Variants in ERP44 observed in about 807,000 individuals in gnomAD.
ERP44 encodes endoplasmic reticulum resident protein 44.
In ERP44, 25 loss-of-function variants were observed where a neutral mutation model predicts 53.4. The ratio of observed to expected loss-of-function variants is 0.47; its 90% CI spans 0.34 to 0.65. ERP44 has a LOEUF of 0.65. Among genes scored for constraint, ERP44 ranks in the 30% least tolerant of loss-of-function variants. The pLI is 0.01. For synonymous variants in ERP44, 145 were observed against 161.2 expected (o/e 0.90, Z 0.76); for missense variants, 338 against 493.2 (o/e 0.69, Z 2.98).
At chr9:100,074,949 G>C (rs1826340219) in intron 1 of ERP44, among the ~76,000 whole-genome samples, 1 of 152,200 alleles carries the variant, frequency 6.6e-6, no homozygotes, top group African/African-American at 2.4e-5. Flanking sequence ...TTAGCAGCTG[G>C]CAGAACCCCC....
Position 100,020,635 on chromosome 9 carries a change from C to T in ERP44, c.568G>A (p.Ala190Thr), listed in dbSNP as rs905359579. The T allele has an allele frequency of 6.2e-6, 10 of 1,600,030 alleles. No individual in the cohort carries two copies. In the East Asian group the frequency reaches 2.2e-4, roughly 36 times the overall value. The change falls in exon 6 of 12, where the codon GCC becomes ACC. Residue 190 changes from alanine to threonine, a missense_variant. By Grantham distance (58) the Ala-to-Thr change is moderately conservative. Coordinates refer to ENST00000262455, the MANE Select transcript of ERP44 (RefSeq NM_015051.3). ...ACTTACCCAAATGCAGAAAGAAAGGCACAGTCATCATGCAAAATATTCGCT... is the reference window on the plus strand; with the variant it reads ...ACTTACCCAAATGCAGAAAGAAAGGTACAGTCATCATGCAAAATATTCGCT... ...RVANILHDDC[A>T]FLSAFGDVSK...
intron 1 of ERP44, among the ~76,000 whole-genome samples, chr9:100,096,471 A>C (rs1564108739): frequency 6.6e-6 from 1 of 152,058 alleles, no homozygotes; most frequent in African/African-American, 2.4e-5. Context: ...TTTTGTGTTT[A>C]GTTACCCATC....
At position 100,033,736 on chromosome 9, in the gene ERP44, A is replaced by C. The variant is rs540680611; in HGVS notation, c.287-11510T>G. Among the ~76,000 whole-genome samples, 8 of 152,252 alleles carry C rather than the reference A, an allele frequency of 5.3e-5. No homozygotes were observed. In the South Asian group the frequency reaches 1.7e-3, roughly 32 times the overall value. On this transcript the variant is annotated intron_variant, in intron 4 of 11. Transcript: ENST00000262455. Reference sequence around the variant, plus strand: ...AGACTGACTCTGCTTATTCCTGTGAATCAACCAGTCATCTCTGGCTGGTAC... The same window carrying C: ...AGACTGACTCTGCTTATTCCTGTGACTCAACCAGTCATCTCTGGCTGGTAC...
rs1195289986 is a variant in ERP44 at position 99,979,276 on chromosome 9, A to G, written c.*3336T>C. On this transcript the variant is annotated 3_prime_UTR_variant, in exon 12 of 12. Transcript: ENST00000262455. ...GTTATTCTGTTCTTCCTGATTGTCA[A>G]TCCATTACACTACTTTATCCATTCC... 2 of 151,220 alleles carry G rather than the reference A, an allele frequency of 1.3e-5. No homozygotes were observed. The highest frequency in any genetic ancestry group is 1.9e-4 in the East Asian group (1 of 5,156). 9.4% of individuals were successfully genotyped at this position (151,220 alleles called of 1,614,324 possible).
chr9:100,043,418 T>C (rs1010192801), intron 4 of ERP44, among the ~76,000 whole-genome samples: 1 of 151,810 alleles, frequency 6.6e-6, no homozygotes, highest in African/African-American at 2.4e-5. Context: ...AAAGGATAAA[T>C]GCTTGAAGTC....
At chr9:100,046,895 T>C (rs1019168436) in intron 4 of ERP44, among the ~76,000 whole-genome samples, 23 of 152,156 alleles carry the variant, frequency 1.5e-4, no homozygotes, top group Admixed American at 7.9e-4. Context: ...TATAGTAATC[T>C]ACGAAGTACT....
At chr9:100,004,097 A>C (rs1564087803) in intron 10 of ERP44, among the ~76,000 whole-genome samples, 1 of 151,462 alleles carries the variant, frequency 6.6e-6, no homozygotes, top group African/African-American at 2.4e-5. Context: ...AGAGCTTAGG[A>C]GTCTGGCTAG....
intron 1 of ERP44, among the ~76,000 whole-genome samples, chr9:100,081,997 T>C (rs149770745): frequency 1.3e-5 from 2 of 151,068 alleles, no homozygotes; most frequent in East Asian, 3.9e-4. Flanking sequence ...ATTAATAACA[T>C]ACACACACAC....
intron 10 of ERP44, among the ~76,000 whole-genome samples, chr9:100,003,031 T>C (rs563148941): frequency 2.0e-5 from 3 of 152,192 alleles, no homozygotes; most frequent in African/African-American, 2.4e-5. Context: ...ATAACCTGTA[T>C]GTTCAGGTTT....
chr9:99,993,753 A>T (rs1418854468), intron 10 of ERP44, among the ~76,000 whole-genome samples: 1 of 152,238 alleles, frequency 6.6e-6, no homozygotes, highest in Admixed American at 6.5e-5. Flanking sequence ...AAATTTTTCC[A>T]ATCTACCCAT....
At chr9:100,036,282 A>G (rs1825847737) in intron 4 of ERP44, among the ~76,000 whole-genome samples, 1 of 152,270 alleles carries the variant, frequency 6.6e-6, no homozygotes, top group Non-Finnish European at 1.5e-5. Context: ...AAAATGTGGT[A>G]CATATATGCC....
In ERP44 at chr9:100,092,561, A is replaced by C. The variant is rs550750485; in HGVS notation, c.57+6223T>G. On this transcript the variant is annotated intron_variant, in intron 1 of 11. Coordinates refer to ENST00000262455, the MANE Select transcript of ERP44 (RefSeq NM_015051.3). ...GCCATGACATCTACTTTTGCATTAC[A>C]CTGCCTTTTGAATGGAGACTAATGA... Among the ~76,000 whole-genome samples, 20 of 152,346 alleles carry C rather than the reference A, an allele frequency of 1.3e-4. No homozygotes were observed. The Middle Eastern group carries it at 0.01, about 78-fold the overall frequency.
At chr9:100,028,517 T>C (rs1217187157) in intron 4 of ERP44, among the ~76,000 whole-genome samples, 1 of 152,216 alleles carries the variant, frequency 6.6e-6, no homozygotes, top group East Asian at 1.9e-4. Context: ...TCTATGTGTG[T>C]TTCGAAATTT....
chr9:99,996,537 T>TC (rs1428434364), intron 10 of ERP44, among the ~76,000 whole-genome samples: 2 of 151,296 alleles, frequency 1.3e-5, no homozygotes, highest in Non-Finnish European at 2.9e-5. Flanking sequence ...ATTATTCTTT[T>TC]TTTTCCCCCA....
chr9:100,086,204 T>C (rs1325869706), intron 1 of ERP44, among the ~76,000 whole-genome samples: 3 of 152,222 alleles, frequency 2.0e-5, no homozygotes, highest in Non-Finnish European at 4.4e-5. Context: ...TTTATACCAC[T>C]TACAGGAATT....
intron 8 of ERP44, among the ~76,000 whole-genome samples, chr9:100,008,746 C>G (rs1487291665): frequency 6.6e-6 from 1 of 152,064 alleles, no homozygotes; most frequent in East Asian, 1.9e-4. Flanking sequence ...AACTGAGATA[C>G]AATTAGCATA....
chr9:100,049,073 A>T (rs955116066), intron 4 of ERP44, among the ~76,000 whole-genome samples: 1 of 152,232 alleles, frequency 6.6e-6, no homozygotes, highest in Non-Finnish European at 1.5e-5. Flanking sequence ...TGCAAATTAC[A>T]TATGTGAAAA....
At position 99,982,568 on chromosome 9, in the gene ERP44, G is replaced by C; in HGVS notation, c.*44C>G. On this transcript the variant is annotated 3_prime_UTR_variant, in exon 12 of 12. Transcript: ENST00000262455. ...TAGGTTTACTATTTCCACCACGTAGGTTGATGCTGCTGTTGAAAGGCTTAC... is the reference window on the plus strand; with the variant it reads ...TAGGTTTACTATTTCCACCACGTAGCTTGATGCTGCTGTTGAAAGGCTTAC... 1 of 954,610 alleles carries C rather than the reference G, an allele frequency of 1.0e-6. No individual in the cohort carries two copies. Among genetic ancestry groups the C allele is most frequent in the Non-Finnish European group, 1.5e-6 (1 of 647,722 alleles). The allele number at this position is 954,610 out of a possible 1,614,324, so 59.1% of individuals were successfully genotyped here.
chr9:100,057,678 C>T (rs1463328615), intron 3 of ERP44, 142 bp downstream of exon 3: 2 of 648,212 alleles, frequency 3.1e-6, no homozygotes, highest in Non-Finnish European at 5.5e-6. Context: ...AAACTACTTC[C>T]CTTGTGGATG....
Sources: allele counts gnomAD v4.1 joint callset (sites outside exome capture counted in the v4.1 genomes callset), GRCh38; gene constraint gnomAD v4.1.1; transcripts MANE v1.5; gene names NCBI Gene and HGNC (gene_info 2026-07-23, HGNC 2026-07-21).